Variants in STK4 observed in about 807,000 individuals in gnomAD.
STK4 encodes the protein serine/threonine-protein kinase 4.
Under a neutral mutation model 64.9 loss-of-function variants are expected in STK4, and 30 were observed. The observed-to-expected ratio is 0.46, with a 90% CI of 0.35 to 0.63. STK4 has a LOEUF of 0.63. STK4 is among the 20% of genes least tolerant of loss of function. The pLI is 0.01. For missense variants in STK4, 466 were observed against 598.5 expected, an observed-to-expected ratio of 0.78 and a Z score of 2.31; for synonymous variants, 177 against 199.0, an observed-to-expected ratio of 0.89 and a Z score of 0.93.
chr20:45,059,231 T>C (rs1978773797), intron 10 of STK4, among the ~76,000 whole-genome samples: 1 of 152,216 alleles, frequency 6.6e-6, no homozygotes, highest in Non-Finnish European at 1.5e-5. Context: ...TATTTCTTTT[T>C]CCTTCTTCAC....
At chr20:44,995,849 C>CG (rs1381258663) in intron 6 of STK4, among the ~76,000 whole-genome samples, 1 of 152,102 alleles carries the variant, frequency 6.6e-6, no homozygotes, top group African/African-American at 2.4e-5. Context: ...CTCTCTCTCT[C>CG]TGTCTGTCAC....
At chr20:45,062,965 C>T (rs1979203386) in intron 10 of STK4, among the ~76,000 whole-genome samples, 1 of 127,642 alleles carries the variant, frequency 7.8e-6, no homozygotes. Flanking sequence ...GCTGGGATTA[C>T]AGGTGTGAGC....
intron 10 of STK4, among the ~76,000 whole-genome samples, chr20:45,071,010 A>G (rs1351620794): frequency 6.6e-6 from 1 of 152,106 alleles, no homozygotes; most frequent in African/African-American, 2.4e-5. Flanking sequence ...GTCCCATAAC[A>G]TGTTGGAATT....
At chr20:44,991,120 T>G (rs892025093) in intron 5 of STK4, among the ~76,000 whole-genome samples, 3 of 152,168 alleles carry the variant, frequency 2.0e-5, no homozygotes, top group Non-Finnish European at 2.9e-5. Flanking sequence ...TTTTGAGAGA[T>G]AGTGAAAGTA....
At chr20:44,986,990 C>G in intron 4 of STK4, 142 bp from the exon 5 acceptor site, 1 of 612,164 alleles carries the variant, frequency 1.6e-6, no homozygotes, top group Non-Finnish European at 2.7e-6. Flanking sequence ...GTCAGTGTAT[C>G]TATGGTATAA....
At chr20:45,034,572 A>T (rs1192771601) in intron 10 of STK4, among the ~76,000 whole-genome samples, 1 of 152,140 alleles carries the variant, frequency 6.6e-6, no homozygotes, top group South Asian at 2.1e-4. Context: ...AGAGACCAAA[A>T]CATACCACAA....
chr20:45,011,998 A>G (rs1164780762), intron 9 of STK4, among the ~76,000 whole-genome samples: 1 of 150,432 alleles, frequency 6.6e-6, no homozygotes, highest in African/African-American at 2.4e-5. Flanking sequence ...TTTTCATCAC[A>G]GATTACTTCT....
intron 9 of STK4, among the ~76,000 whole-genome samples, chr20:45,009,772 A>G (rs1424889927): frequency 6.6e-6 from 1 of 151,820 alleles, no homozygotes. Flanking sequence ...ATTCTTAGAT[A>G]TTTCATTTTC....
At chr20:44,984,497 C>T (rs118079923) in intron 4 of STK4, among the ~76,000 whole-genome samples, 3,358 of 152,088 alleles carry the variant, frequency 0.022, 45 homozygotes, top group Non-Finnish European at 0.034. Flanking sequence ...CCACCGTTCC[C>T]GGCCTAAGTG....
chr20:45,045,278 G>A (rs189859217), intron 10 of STK4, among the ~76,000 whole-genome samples: 38 of 152,218 alleles, frequency 2.5e-4, no homozygotes, highest in African/African-American at 7.5e-4. Context: ...GAGGTAGCAG[G>A]GTGGGGTTTC....
rs1236053278 is a variant in STK4, at chr20:45,078,443, G to T, written c.*3267G>T. ...GTGGGTCTTGAACTCCTGACCTTGT[G>T]ATCCACCCGCCTCGGCCTCCCAAAG... On this transcript the variant is annotated 3_prime_UTR_variant, in exon 11 of 11. Coordinates refer to ENST00000372806, the MANE Select transcript of STK4 (RefSeq NM_006282.5). 6.6e-6 allele frequency: 1 copy of T among 152,074 alleles called. No individual in the cohort carries two copies. Among genetic ancestry groups the T allele is most frequent in the Non-Finnish European group, 1.5e-5 (1 of 68,070 alleles). 9.4% of individuals were successfully genotyped at this position (152,074 alleles called of 1,614,324 possible).
chr20:45,004,972 T>C (rs1316898118), intron 9 of STK4, among the ~76,000 whole-genome samples: 3 of 151,608 alleles, frequency 2.0e-5, no homozygotes, highest in African/African-American at 7.3e-5. Flanking sequence ...AGGGTTTCAC[T>C]ATGTTGGTCA....
rs538870048 is a variant in STK4 at position 44,993,475 on chromosome 20, A to T, written c.526-1615A>T. 2.6e-5 allele frequency among the ~76,000 whole-genome samples: 4 copies of T among 152,314 alleles called. No homozygotes were observed. In the South Asian group the frequency reaches 8.3e-4, roughly 32 times the overall value. ...CAATTTTGACTATCACCATTTGAAA[A>T]CACCCTTGCAAATTTGAAGTTTCAG... On this transcript the variant is annotated intron_variant, in intron 5 of 10. Transcript: ENST00000372806.
intron 10 of STK4, among the ~76,000 whole-genome samples, chr20:45,048,615 C>T (rs1011892923): frequency 6.6e-6 from 1 of 151,912 alleles, no homozygotes; most frequent in African/African-American, 2.4e-5. Flanking sequence ...AGGTGGTTCT[C>T]CTGCCTCAGC....
rs745990053 is a variant in STK4 at position 44,995,080 on chromosome 20, T to C, written c.526-10T>C. On this transcript the variant is annotated splice_polypyrimidine_tract_variant and intron_variant, in intron 5 of 10. Coordinates refer to ENST00000372806, the MANE Select transcript of STK4 (RefSeq NM_006282.5). ...AGCTTAGTGTCAGTCTCTCTCCCTTTCTATTTTAGGATACCATGGCCAAGC... is the reference window on the plus strand; with the variant it reads ...AGCTTAGTGTCAGTCTCTCTCCCTTCCTATTTTAGGATACCATGGCCAAGC... 1 of 1,581,936 alleles carries C rather than the reference T, an allele frequency of 6.3e-7. No individual in the cohort carries two copies. Among genetic ancestry groups the C allele is most frequent in the South Asian group, 1.2e-5 (1 of 85,508 alleles).
chr20:45,043,485 C>G (rs932318201), intron 10 of STK4, among the ~76,000 whole-genome samples: 22 of 152,162 alleles, frequency 1.4e-4, no homozygotes, highest in Non-Finnish European at 1.9e-4. Flanking sequence ...CCTCTCCTCT[C>G]TGAGCTTCAT....
intron 4 of STK4, among the ~76,000 whole-genome samples, chr20:44,986,330 C>T (rs1204479424): frequency 6.6e-6 from 1 of 152,116 alleles, no homozygotes; most frequent in Non-Finnish European, 1.5e-5. Flanking sequence ...ACTGGATAGA[C>T]ATCAGGATGA....
At chr20:44,995,447 A>G (rs1200897613) in intron 6 of STK4, among the ~76,000 whole-genome samples, 190 bp downstream of exon 6, 1 of 151,956 alleles carries the variant, frequency 6.6e-6, no homozygotes, top group Non-Finnish European at 1.5e-5. Context: ...CTCTACTAAA[A>G]ATACAAAAAT....
intron 6 of STK4, 87 bp from the exon 7 acceptor site, chr20:44,997,082 C>T: frequency 6.3e-7 from 1 of 1,575,980 alleles, no homozygotes; most frequent in Non-Finnish European, 8.7e-7. Context: ...ATTTACCAAG[C>T]TTCAAATGTA....
Sources: allele counts gnomAD v4.1 joint callset (sites outside exome capture counted in the v4.1 genomes callset), GRCh38; gene constraint gnomAD v4.1.1; transcripts MANE v1.5; gene names NCBI Gene and HGNC (gene_info 2026-07-23, HGNC 2026-07-21).